The following LRMDA variants were observed in gnomAD, a reference collection of about 807,000 sequenced individuals.
The protein encoded by LRMDA is leucine rich melanocyte differentiation associated, also known as leucine-rich melanocyte differentiation-associated protein.
In LRMDA, 18 loss-of-function variants were observed where a neutral mutation model predicts 29.8. The ratio of observed to expected loss-of-function variants is 0.60; its 90% confidence interval spans 0.42 to 0.90. LRMDA has a LOEUF of 0.90. Ranked by LOEUF, LRMDA falls within the 40% of genes least tolerant of loss-of-function variation. The probability of loss-of-function intolerance (pLI) is 0.00; values close to 1 mark genes in which losing one functional copy is unlikely to be tolerated. For synonymous variants in LRMDA, 125 were observed against 109.4 expected (o/e 1.14, Z -0.89); for missense variants, 273 against 273.9 (o/e 1.00, Z 0.02).
intron 5 of LRMDA, among the ~76,000 whole-genome samples, chr10:76,100,409 G>T (rs10762691): frequency 0.43 from 65,806 of 152,082 alleles, 14,757 homozygotes; most frequent in Non-Finnish European, 0.46. Flanking sequence ...ACACAGGAAC[G>T]GAAGAGGCCA....
intron 2 of LRMDA, among the ~76,000 whole-genome samples, chr10:75,534,158 T>G (rs1839914749): frequency 1.3e-5 from 2 of 152,148 alleles, no homozygotes; most frequent in Admixed American, 1.3e-4. Flanking sequence ...GGGAATATAA[T>G]ATATGAGGGT....
chr10:76,404,884 A>C (rs1841886848), intron 6 of LRMDA, among the ~76,000 whole-genome samples: 1 of 152,194 alleles, frequency 6.6e-6, no homozygotes, highest in Non-Finnish European at 1.5e-5. Flanking sequence ...ACAAACAGGG[A>C]AAGGAGATGT....
chr10:75,829,427 CAATTCTGAG>C (rs1844301900), intron 2 of LRMDA, among the ~76,000 whole-genome samples: 1 of 152,042 alleles, frequency 6.6e-6, no homozygotes, highest in Non-Finnish European at 1.5e-5. Flanking sequence ...CTACTGGCCC[CAATTCTGAG>C]AATGCAGTTT....
At chr10:75,655,032 G>A (rs949103416) in intron 2 of LRMDA, among the ~76,000 whole-genome samples, 33 of 152,218 alleles carry the variant, frequency 2.2e-4, no homozygotes, top group African/African-American at 7.7e-4. Flanking sequence ...CGGAGGCAGC[G>A]AGGAGAATTG....
chr10:75,573,064 A>T (rs933824646), intron 2 of LRMDA, among the ~76,000 whole-genome samples: 6 of 152,200 alleles, frequency 3.9e-5, no homozygotes, highest in African/African-American at 1.4e-4. Context: ...TCCTTAAGCC[A>T]CCCAGTCTGT....
At chr10:75,824,373 C>G (rs1173171519) in intron 2 of LRMDA, among the ~76,000 whole-genome samples, 1 of 152,186 alleles carries the variant, frequency 6.6e-6, no homozygotes, top group East Asian at 1.9e-4. Context: ...AAGTTGCCCA[C>G]TTGTTTATGT....
At chr10:76,535,072 A>G (rs1370286883) in intron 6 of LRMDA, among the ~76,000 whole-genome samples, 1 of 152,238 alleles carries the variant, frequency 6.6e-6, no homozygotes, top group Non-Finnish European at 1.5e-5. Context: ...ATCCTCACAC[A>G]GGGATACACT....
chr10:75,879,110 C>G (rs1845250322), intron 2 of LRMDA, among the ~76,000 whole-genome samples: 1 of 152,176 alleles, frequency 6.6e-6, no homozygotes, highest in African/African-American at 2.4e-5. Context: ...CTCACAATCC[C>G]CTGCCCACCA....
chr10:75,611,643 T>G (rs1841033496), intron 2 of LRMDA, among the ~76,000 whole-genome samples: 1 of 152,226 alleles, frequency 6.6e-6, no homozygotes, highest in Non-Finnish European at 1.5e-5. Flanking sequence ...CTTTTGTGAC[T>G]GGCTTACTTC....
chr10:76,509,296 A>G (rs935124955), intron 6 of LRMDA, among the ~76,000 whole-genome samples: 2 of 152,162 alleles, frequency 1.3e-5, no homozygotes, highest in African/African-American at 4.8e-5. Flanking sequence ...TTAGGCAGAC[A>G]CTACTGAACA....
chr10:76,181,433 C>T (rs774409492), intron 5 of LRMDA, among the ~76,000 whole-genome samples: 1 of 152,194 alleles, frequency 6.6e-6, no homozygotes, highest in East Asian at 1.9e-4. Flanking sequence ...TCAGATATCC[C>T]GTCCGAGTTG....
intron 5 of LRMDA, among the ~76,000 whole-genome samples, chr10:76,066,181 T>G (rs1400256291): frequency 6.6e-6 from 1 of 152,186 alleles, no homozygotes; most frequent in Non-Finnish European, 1.5e-5. Flanking sequence ...TGGCAGTCAT[T>G]GGTGCCACAG....
chr10:76,053,811 A>G (rs1298544620), intron 4 of LRMDA, among the ~76,000 whole-genome samples: 1 of 152,198 alleles, frequency 6.6e-6, no homozygotes, highest in African/African-American at 2.4e-5. Flanking sequence ...TTTCAAAGCT[A>G]TTATTCCTCA....
At chr10:75,432,012 C>G (rs1439540382) in intron 1 of LRMDA, among the ~76,000 whole-genome samples, 3 of 152,222 alleles carry the variant, frequency 2.0e-5, no homozygotes, top group Non-Finnish European at 4.4e-5. Context: ...CTGCCCTTAG[C>G]GCCTCACTGA....
intron 2 of LRMDA, among the ~76,000 whole-genome samples, chr10:75,667,644 T>C (rs576938377): frequency 4.6e-5 from 7 of 152,308 alleles, no homozygotes; most frequent in South Asian, 4.1e-4. Flanking sequence ...TTTGTCACTG[T>C]TGGGTAGGAT....
chr10:75,646,561 T>G (rs1248652275), intron 2 of LRMDA, among the ~76,000 whole-genome samples: 1 of 152,236 alleles, frequency 6.6e-6, no homozygotes, highest in Non-Finnish European at 1.5e-5. Flanking sequence ...TATGCTGTCT[T>G]TTGCAATCTG....
intron 4 of LRMDA, among the ~76,000 whole-genome samples, chr10:76,052,098 G>A (rs1264273549): frequency 6.6e-6 from 1 of 152,198 alleles, no homozygotes; most frequent in Admixed American, 6.5e-5. Context: ...GTGAAAGATT[G>A]AGAATGGCTC....
intron 2 of LRMDA, among the ~76,000 whole-genome samples, chr10:75,561,032 G>A (rs979022571): frequency 2.0e-5 from 3 of 151,012 alleles, no homozygotes; most frequent in African/African-American, 7.3e-5. Flanking sequence ...TTGGTATCAG[G>A]ATGATGCTGG....
At chr10:76,359,463 G>A (rs76169561) in intron 6 of LRMDA, among the ~76,000 whole-genome samples, 1 of 152,168 alleles carries the variant, frequency 6.6e-6, no homozygotes, top group Non-Finnish European at 1.5e-5. Context: ...AGTTGGTAGA[G>A]TGGATAGATA....
Sources: allele counts gnomAD v4.1 joint callset (sites outside exome capture counted in the v4.1 genomes callset), GRCh38; gene constraint gnomAD v4.1.1; transcripts MANE v1.5; gene names NCBI Gene and HGNC (gene_info 2026-07-23, HGNC 2026-07-21).